PCDH7: variants seen among roughly 807,000 people sequenced by gnomAD.
PCDH7 encodes protocadherin-7.
PCDH7 carries 17 observed loss-of-function variants against 58.9 expected under a neutral mutation model. The observed-to-expected ratio is 0.29, with a 90% confidence interval of 0.20 to 0.43. The LOEUF is 0.43. Ranked by LOEUF, PCDH7 falls within the 20% of genes least tolerant of loss-of-function variation. The pLI is 1.00. For synonymous variants in PCDH7, 664 were observed against 616.4 expected (o/e 1.08, Z -1.14); for missense variants, 1,274 against 1,441.0 (o/e 0.88, Z 1.88).
At chr4:30,907,967 G>A (rs1741198854) in intron 1 of PCDH7, among the ~76,000 whole-genome samples, 1 of 152,136 alleles carries the variant, frequency 6.6e-6, no homozygotes, top group African/African-American at 2.4e-5. Context: ...GATGAAGCTG[G>A]AAACCATCAT....
At position 30,968,376 on chromosome 4, in the gene PCDH7, CTATATATATATATATATA is replaced by C. The variant is rs60085619; in HGVS notation, c.*7+18183_*7+18200del. ...TACACACACTATATATATACACACACTATATATATATATATATATATATATATATATATATATATGGGA... is the reference window on the plus strand; with the variant it reads ...TACACACACTATATATATACACACACTATATATATATATATATATATGGGA... On this transcript the variant is annotated intron_variant, in intron 3 of 3. Coordinates refer to the PCDH7 transcript ENST00000509759. Among the ~76,000 whole-genome samples the C allele has an allele frequency of 2.2e-3, 149 of 67,054 alleles. 9 individuals carry two copies. The highest frequency in any genetic ancestry group is 7.8e-3 in the African/African-American group (111 of 14,264). The allele number at this position is 67,054 out of a possible 152,430, so 44.0% of individuals were successfully genotyped here. A position where few individuals can be genotyped will look rare whatever the true frequency, so the allele number is the denominator to read the frequency against.
At chr4:30,951,985 C>A (rs1410905859) in intron 3 of PCDH7, among the ~76,000 whole-genome samples, 1 of 152,130 alleles carries the variant, frequency 6.6e-6, no homozygotes, top group Non-Finnish European at 1.5e-5. Flanking sequence ...CACAAAACAG[C>A]CTTTTGTCTT....
intron 2 of PCDH7, among the ~76,000 whole-genome samples, chr4:30,942,203 C>T (rs558999055): frequency 9.9e-5 from 15 of 152,074 alleles, no homozygotes; most frequent in South Asian, 4.1e-4. Context: ...GATCTACTCA[C>T]AATTTCCATT....
intron 1 of PCDH7, among the ~76,000 whole-genome samples, chr4:30,805,584 T>C (rs1259465812): frequency 6.6e-6 from 1 of 152,194 alleles, no homozygotes; most frequent in Non-Finnish European, 1.5e-5. Context: ...TCATGGATTA[T>C]TTCCCTCTCA....
chr4:30,972,357 A>AT (rs1243551941), intron 3 of PCDH7, among the ~76,000 whole-genome samples: 1 of 151,988 alleles, frequency 6.6e-6, no homozygotes, highest in African/African-American at 2.4e-5. Context: ...TGTGTGCAGG[A>AT]TTTTTTTATT....
At chr4:30,813,319 A>G (rs1458058279) in intron 1 of PCDH7, among the ~76,000 whole-genome samples, 4 of 152,210 alleles carry the variant, frequency 2.6e-5, no homozygotes, top group African/African-American at 9.7e-5. Flanking sequence ...TAAAAAGTGA[A>G]CTGTTCCTTT....
intron 3 of PCDH7, among the ~76,000 whole-genome samples, chr4:31,056,517 G>GAAAGAA (rs1491230659): frequency 3.2e-5 from 3 of 95,108 alleles, no homozygotes; most frequent in Non-Finnish European, 4.3e-5. Flanking sequence ...AAGAAAGAAA[G>GAAAGAA]GGGAAGGGAA....
At chr4:30,946,117 T>G (rs1236838061) in intron 2 of PCDH7, among the ~76,000 whole-genome samples, 1 of 152,100 alleles carries the variant, frequency 6.6e-6, no homozygotes, top group Non-Finnish European at 1.5e-5. Flanking sequence ...AATGAAAATC[T>G]CTGATTTTTC....
chr4:30,887,652 A>C (rs111459143), intron 1 of PCDH7, among the ~76,000 whole-genome samples: 1 of 152,194 alleles, frequency 6.6e-6, no homozygotes, highest in African/African-American at 2.4e-5. Flanking sequence ...TTAGGTCTAA[A>C]ATAATTTTGT....
chr4:31,116,166 T>C (rs550952503), intron 3 of PCDH7, among the ~76,000 whole-genome samples: 94 of 152,326 alleles, frequency 6.2e-4, no homozygotes, highest in Non-Finnish European at 1.1e-3. Context: ...GAGTCTGTTT[T>C]ATGCTCAAAA....
intron 1 of PCDH7, among the ~76,000 whole-genome samples, chr4:30,772,393 C>A (rs930279597): frequency 6.6e-6 from 1 of 152,198 alleles, no homozygotes; most frequent in Non-Finnish European, 1.5e-5. Flanking sequence ...TTCTGTCTCC[C>A]TCCCTCTCTT....
chr4:30,807,324 T>C lies in PCDH7; in HGVS notation c.70+82728T>C, dbSNP rs556349819. On this transcript the variant is annotated intron_variant, in intron 1 of 3. Coordinates refer to the PCDH7 transcript ENST00000509759. ...CAATAAAATACAAAAAAAGACGTTG[T>C]CTTCCTTATATTCACTTTGCTTTAG... Among the ~76,000 whole-genome samples, 43 of 152,326 alleles carry C rather than the reference T, an allele frequency of 2.8e-4. No homozygotes were observed. The South Asian group carries it at 6.4e-3, about 23-fold the overall frequency.
chr4:31,054,505 T>C (rs897501867), intron 3 of PCDH7, among the ~76,000 whole-genome samples: 1 of 152,200 alleles, frequency 6.6e-6, no homozygotes, highest in Admixed American at 6.5e-5. Context: ...AAGATACCAC[T>C]AGTTTCAGCC....
intron 3 of PCDH7, among the ~76,000 whole-genome samples, chr4:31,059,360 A>G (rs1757496901): frequency 6.6e-6 from 1 of 151,950 alleles, no homozygotes; most frequent in Non-Finnish European, 1.5e-5. Context: ...TTCTGGCAAC[A>G]ATGTATGATT....
intron 1 of PCDH7, among the ~76,000 whole-genome samples, chr4:30,902,503 C>T (rs6839944): frequency 0.027 from 4,147 of 152,042 alleles, 186 homozygotes; most frequent in African/African-American, 0.093. Flanking sequence ...TTAATACGTG[C>T]GATGCATATA....
At chr4:31,071,053 G>A (rs1483645868) in intron 3 of PCDH7, among the ~76,000 whole-genome samples, 1 of 152,062 alleles carries the variant, frequency 6.6e-6, no homozygotes. Flanking sequence ...AGGCAAGAGT[G>A]CAGGGCCCCT....
chr4:30,856,489 G>A (rs982644166), intron 1 of PCDH7, among the ~76,000 whole-genome samples: 1 of 151,950 alleles, frequency 6.6e-6, no homozygotes, highest in South Asian at 2.1e-4. Flanking sequence ...TTTTACAAAA[G>A]CTTAGAAGTC....
intron 3 of PCDH7, among the ~76,000 whole-genome samples, chr4:31,084,633 A>G (rs1187462638): frequency 2.8e-5 from 4 of 143,368 alleles, no homozygotes; most frequent in Non-Finnish European, 4.5e-5. Context: ...AGGCAGTGTC[A>G]CATAAGGAAA....
chr4:31,005,774 C>T (rs571450776), intron 3 of PCDH7, among the ~76,000 whole-genome samples: 4 of 152,258 alleles, frequency 2.6e-5, no homozygotes, highest in African/African-American at 7.2e-5. Flanking sequence ...CCATGTACAG[C>T]TATTTACATA....
Sources: allele counts gnomAD v4.1 joint callset (sites outside exome capture counted in the v4.1 genomes callset), GRCh38; gene constraint gnomAD v4.1.1; transcripts MANE v1.5; gene names NCBI Gene and HGNC (gene_info 2026-07-23, HGNC 2026-07-21).